The following RBMS1 variants were observed in gnomAD, a reference collection of about 807,000 sequenced individuals.
RBMS1 encodes RNA-binding motif, single-stranded-interacting protein 1.
RBMS1 carries 17 observed loss-of-function variants against 62.3 expected under a neutral mutation model. The ratio of observed to expected loss-of-function variants is 0.27; its 90% CI spans 0.19 to 0.41. The LOEUF (loss-of-function observed/expected upper bound fraction) is 0.41. RBMS1 is among the 10% of genes least tolerant of loss of function. The pLI is 1.00. For missense variants in RBMS1, 334 were observed against 504.5 expected (o/e 0.66, Z 3.24); for synonymous variants, 172 against 170.0 (o/e 1.01, Z -0.09).
At chr2:160,301,502 A>ATTGT (rs1469647320) in intron 5 of RBMS1, among the ~76,000 whole-genome samples, 47 of 152,254 alleles carry the variant, frequency 3.1e-4, no homozygotes, top group Non-Finnish European at 6.3e-4. Context: ...AGTTTCAAAA[A>ATTGT]ACAATGTAAT....
At chr2:160,348,432 A>G (rs549325890) in intron 2 of RBMS1, among the ~76,000 whole-genome samples, 1 of 152,218 alleles carries the variant, frequency 6.6e-6, no homozygotes, top group East Asian at 1.9e-4. Flanking sequence ...CTTGTTTTAG[A>G]AAGGACTTAG....
At chr2:160,422,330 A>G (rs1696467480) in intron 1 of RBMS1, among the ~76,000 whole-genome samples, 1 of 152,106 alleles carries the variant, frequency 6.6e-6, no homozygotes, top group South Asian at 2.1e-4. Flanking sequence ...AAGAAAACCT[A>G]CACATCCACT....
intron 1 of RBMS1, among the ~76,000 whole-genome samples, chr2:160,483,478 A>G (rs1230415380): frequency 1.3e-5 from 2 of 152,334 alleles, no homozygotes; most frequent in Non-Finnish European, 2.9e-5. Flanking sequence ...AATTTTATTT[A>G]AAATTTCCAT....
In RBMS1 at chr2:160,278,593, AG is replaced by A; in HGVS notation, c.1016del (p.Pro339LeufsTer6). On this transcript the variant is annotated frameshift_variant, in exon 11 of 14. Transcript: ENST00000348849. LOFTEE classifies it high-confidence loss of function. ...ACAGATGACTCATCTGCTGGGCCAG[AG>A]GGCTGATCATTGATGCGGGCTGTAG... is the stretch of plus-strand genomic sequence containing the variant. ...MSLQPASMISPLAQQMSHLSL... is the reference protein window; with the variant it reads ...MSLQPASMISXLAQQMSHLSL... The A allele has an allele frequency of 6.2e-7, 1 of 1,613,698 alleles. No homozygotes were observed. Among genetic ancestry groups the A allele is most frequent in the Non-Finnish European group, 8.5e-7 (1 of 1,179,768 alleles).
intron 1 of RBMS1, among the ~76,000 whole-genome samples, chr2:160,459,567 C>T (rs1221120455): frequency 1.3e-5 from 2 of 152,062 alleles, no homozygotes; most frequent in African/African-American, 2.4e-5. Context: ...ATTTAAAAAA[C>T]GTTTTCCTCT....
intron 2 of RBMS1, among the ~76,000 whole-genome samples, chr2:160,359,022 G>A (rs1457743108): frequency 1.3e-5 from 2 of 152,014 alleles, no homozygotes; most frequent in East Asian, 1.9e-4. Flanking sequence ...AATTATCTGA[G>A]ATGTAGTAGC....
intron 1 of RBMS1, among the ~76,000 whole-genome samples, chr2:160,367,992 T>A (rs1240881779): frequency 6.6e-6 from 1 of 152,134 alleles, no homozygotes; most frequent in Non-Finnish European, 1.5e-5. Context: ...CCTGTGAGAA[T>A]GGTGTCCAAG....
chr2:160,375,605 A>C (rs1330893960), intron 1 of RBMS1, among the ~76,000 whole-genome samples: 2 of 152,162 alleles, frequency 1.3e-5, no homozygotes, highest in Non-Finnish European at 2.9e-5. Context: ...CATTCTATTC[A>C]ATCTCTTCTA....
chr2:160,291,173 G>C (rs1688661057), intron 6 of RBMS1, among the ~76,000 whole-genome samples: 1 of 152,212 alleles, frequency 6.6e-6, no homozygotes, highest in African/African-American at 2.4e-5. Flanking sequence ...TTCCTCAGCA[G>C]GTTCTAACGA....
intron 2 of RBMS1, among the ~76,000 whole-genome samples, chr2:160,348,137 G>C (rs1441561542): frequency 1.3e-5 from 2 of 151,974 alleles, no homozygotes; most frequent in Non-Finnish European, 2.9e-5. Flanking sequence ...TAGTGAGAAA[G>C]TAAACCATTA....
At chr2:160,438,610 A>T (rs1421342923) in intron 1 of RBMS1, among the ~76,000 whole-genome samples, 4 of 152,266 alleles carry the variant, frequency 2.6e-5, no homozygotes, top group Non-Finnish European at 5.9e-5. Flanking sequence ...CCAAGGCAGA[A>T]GAATTTTTCT....
Position 160,303,346 on chromosome 2 carries a change from C to G in RBMS1, c.544G>C (p.Gly182Arg). The change falls in exon 5 of 14, where the codon GGT becomes CGT. Residue 182 changes from glycine to arginine, a missense_variant. Coordinates refer to ENST00000348849, the MANE Select transcript of RBMS1 (RefSeq NM_016836.4). ...AAGGCTTACCTAGCAAAGCCAACAC[C>G]ACGACTTGTACCACTGGAATCACGT... Reference protein sequence around the residue: ...ILRDSSGTSRGVGFARMESTE... With the variant: ...ILRDSSGTSRRVGFARMESTE... 6.2e-7 allele frequency: 1 copy of G among 1,606,868 alleles called. No individual in the cohort carries two copies. The highest frequency in any genetic ancestry group is 8.5e-7 in the Non-Finnish European group (1 of 1,177,360).
chr2:160,311,220 C>CTATG, intron 4 of RBMS1, among the ~76,000 whole-genome samples: 1 of 84,944 alleles, frequency 1.2e-5, no homozygotes, highest in South Asian at 4.8e-4. Flanking sequence ...ATCTATCTAT[C>CTATG]TATCTATCTA....
intron 1 of RBMS1, among the ~76,000 whole-genome samples, chr2:160,446,222 T>C (rs1440388829): frequency 2.6e-5 from 4 of 152,182 alleles, no homozygotes; most frequent in African/African-American, 9.7e-5. Context: ...AGTTACCTAG[T>C]CCCAGCCTCA....
At chr2:160,371,187 G>A (rs78328956) in intron 1 of RBMS1, among the ~76,000 whole-genome samples, 14,847 of 152,206 alleles carry the variant, frequency 0.098, 997 homozygotes, top group East Asian at 0.26. Context: ...TACACTTTGC[G>A]TTAGATTAGG....
intron 4 of RBMS1, among the ~76,000 whole-genome samples, chr2:160,307,361 GAAA>G (rs762396045): frequency 2.3e-5 from 2 of 85,756 alleles, no homozygotes; most frequent in African/African-American, 9.0e-5. Flanking sequence ...CCTATTTATT[GAAA>G]AAAAAAAAAA....
intron 1 of RBMS1, among the ~76,000 whole-genome samples, chr2:160,454,177 T>C (rs1414824294): frequency 6.6e-6 from 1 of 152,260 alleles, no homozygotes; most frequent in Non-Finnish European, 1.5e-5. Flanking sequence ...AATCATATAA[T>C]GGTTTCTTTG....
intron 2 of RBMS1, among the ~76,000 whole-genome samples, chr2:160,358,613 T>C (rs1352228437): frequency 6.6e-6 from 1 of 152,086 alleles, no homozygotes; most frequent in Non-Finnish European, 1.5e-5. Flanking sequence ...AGAAATCCTA[T>C]GATTTATAAA....
At chr2:160,437,956 T>G (rs1251002607) in intron 1 of RBMS1, among the ~76,000 whole-genome samples, 1 of 13,866 alleles carries the variant, frequency 7.2e-5, no homozygotes, top group African/African-American at 1.0e-4. Context: ...AGAATCACCT[T>G]GTTCATCCAC....
Sources: allele counts gnomAD v4.1 joint callset (sites outside exome capture counted in the v4.1 genomes callset), GRCh38; gene constraint gnomAD v4.1.1; transcripts MANE v1.5; gene names NCBI Gene and HGNC (gene_info 2026-07-23, HGNC 2026-07-21).